DCP2: variants seen among roughly 807,000 people sequenced by gnomAD.
DCP2 encodes decapping mRNA 2.
A neutral mutation model predicts 56.1 loss-of-function variants in DCP2; 30 were observed. The observed-to-expected ratio is 0.53, with a 90% CI of 0.40 to 0.73. DCP2 has a LOEUF of 0.73. DCP2 is among the 30% of genes least tolerant of loss of function. DCP2 has a pLI of 0.00. For synonymous variants in DCP2, 197 were observed against 163.3 expected, an observed-to-expected ratio of 1.21 and a Z score of -1.57; for missense variants, 533 against 502.7, an observed-to-expected ratio of 1.06 and a Z score of -0.58.
At chr5:113,004,594 A>G (rs1401858197) in intron 8 of DCP2, among the ~76,000 whole-genome samples, 1 of 152,196 alleles carries the variant, frequency 6.6e-6, no homozygotes. Context: ...GAACATTCCT[A>G]TACCTGTCTT....
At chr5:113,009,657 T>TG (rs59973584) in intron 9 of DCP2, among the ~76,000 whole-genome samples, 13 of 151,950 alleles carry the variant, frequency 8.6e-5, no homozygotes, top group African/African-American at 2.7e-4. Flanking sequence ...TTGAAGAAGA[T>TG]ATTAAATACA....
At position 113,020,618 on chromosome 5, in the gene DCP2, T is replaced by G. The variant is rs1407190470; in HGVS notation, c.*7134T>G. 1 of 152,224 alleles carries G rather than the reference T, an allele frequency of 6.6e-6. No homozygotes were observed. Among genetic ancestry groups the G allele is most frequent in the Non-Finnish European group, 1.5e-5 (1 of 68,036 alleles). 9.4% of individuals were successfully genotyped at this position (152,224 alleles called of 1,614,324 possible). A position where few individuals can be genotyped will look rare whatever the true frequency, so the allele number is the denominator to read the frequency against. ...GAAAGGATAAAGACTACCTGTATTG[T>G]TGGGTATGACTATCAAAGGATTTCC... On this transcript the variant is annotated 3_prime_UTR_variant, in exon 11 of 11. Transcript: ENST00000389063.
intron 2 of DCP2, among the ~76,000 whole-genome samples, chr5:112,988,612 C>G (rs1378728581): frequency 6.6e-6 from 1 of 151,138 alleles, no homozygotes; most frequent in African/African-American, 2.4e-5. Context: ...AAAGAAAACA[C>G]TGATGGGAGA....
chr5:113,007,240 A>G (rs1749480742), intron 8 of DCP2, among the ~76,000 whole-genome samples: 2 of 152,152 alleles, frequency 1.3e-5, no homozygotes, highest in Admixed American at 6.5e-5. Flanking sequence ...GTAACAATTG[A>G]TTACTACATC....
At position 113,003,962 on chromosome 5, in the gene DCP2, G is replaced by C. The variant is rs1443204402; in HGVS notation, c.827G>C (p.Ser276Thr). Residue 276 changes from serine to threonine, a missense_variant, in exon 8 of 11, where the codon AGT (serine) becomes ACT (threonine). Physicochemically the swap from Ser to Thr is moderately conservative, Grantham distance 58. Coordinates refer to ENST00000389063, the MANE Select transcript of DCP2 (RefSeq NM_152624.6). ...TGTAGTCGAACCAAATTCCGCCACA[G>C]TCAGCAGTTATTTCCTGACGGTTCT... Reference protein sequence around the residue: ...EKLSRTKFRHSQQLFPDGSPG... With the variant: ...EKLSRTKFRHTQQLFPDGSPG... The C allele has an allele frequency of 6.2e-7, 1 of 1,613,976 alleles. No homozygotes were observed. The highest frequency in any genetic ancestry group is 8.5e-7 in the Non-Finnish European group (1 of 1,179,998).
intron 2 of DCP2, among the ~76,000 whole-genome samples, chr5:112,990,572 A>T (rs994889181): frequency 6.6e-6 from 1 of 152,124 alleles, no homozygotes; most frequent in African/African-American, 2.4e-5. Flanking sequence ...AAATGAAGGC[A>T]TGCACTAATT....
chr5:112,989,742 C>T (rs1162229243), intron 2 of DCP2, among the ~76,000 whole-genome samples: 2 of 152,062 alleles, frequency 1.3e-5, no homozygotes, highest in African/African-American at 4.8e-5. Flanking sequence ...CTTATTTCTC[C>T]GTATAGGGGT....
intron 9 of DCP2, among the ~76,000 whole-genome samples, chr5:113,009,247 G>C (rs1417901766): frequency 6.6e-6 from 1 of 152,170 alleles, no homozygotes; most frequent in Non-Finnish European, 1.5e-5. Flanking sequence ...TTTTTTGGGA[G>C]AACTTCACAA....
intron 2 of DCP2, among the ~76,000 whole-genome samples, chr5:112,991,136 G>A (rs1748566964): frequency 6.6e-6 from 1 of 152,106 alleles, no homozygotes; most frequent in Non-Finnish European, 1.5e-5. Context: ...CTGAAATCAA[G>A]TGGTAGTATT....
chr5:113,011,794 A>T (rs1281898972), intron 10 of DCP2, among the ~76,000 whole-genome samples: 1 of 152,204 alleles, frequency 6.6e-6, no homozygotes, highest in South Asian at 2.1e-4. Flanking sequence ...GAAGATGGGC[A>T]TCAGAGAGCT....
At chr5:112,986,104 C>T in intron 2 of DCP2, 118 bp downstream of exon 2, 1 of 1,022,722 alleles carries the variant, frequency 9.8e-7, no homozygotes, top group East Asian at 2.6e-5. Flanking sequence ...TACTTGATTG[C>T]TAAAATTTGT....
intron 2 of DCP2, among the ~76,000 whole-genome samples, chr5:112,987,620 C>CTTTTTTTTTT (rs562254738): frequency 0.022 from 1,501 of 69,776 alleles, 9 homozygotes; most frequent in Non-Finnish European, 0.028. Flanking sequence ...ACCTAGGTGC[C>CTTTTTTTTTT]TTTTTTTTTT....
intron 4 of DCP2, among the ~76,000 whole-genome samples, chr5:112,998,710 C>T (rs1748979258): frequency 6.6e-6 from 1 of 152,218 alleles, no homozygotes; most frequent in Admixed American, 6.5e-5. Flanking sequence ...TTTAATGTTA[C>T]ACCATAGTTG....
intron 4 of DCP2, among the ~76,000 whole-genome samples, chr5:112,995,825 A>G (rs934447770): frequency 2.6e-5 from 4 of 152,220 alleles, no homozygotes; most frequent in Non-Finnish European, 4.4e-5. Flanking sequence ...GGGCTACCAT[A>G]ACAAAATATC....
At chr5:113,003,802 C>T (rs1192148900) in intron 7 of DCP2, 140 bp from the exon 8 acceptor site, 1 of 930,100 alleles carries the variant, frequency 1.1e-6, no homozygotes, top group Non-Finnish European at 1.6e-6. Flanking sequence ...AAAATCTCTG[C>T]TCTCATAGAA....
chr5:112,985,744 T>C (rs1399917121), intron 1 of DCP2, 91 bp from the exon 2 acceptor site: 1 of 1,437,842 alleles, frequency 7.0e-7, no homozygotes, highest in Non-Finnish European at 9.5e-7. Flanking sequence ...CTTTTCTCAG[T>C]TGGTGGGTCA....
At chr5:113,002,444 G>A (rs1214768429) in intron 7 of DCP2, among the ~76,000 whole-genome samples, 5 of 151,374 alleles carry the variant, frequency 3.3e-5, no homozygotes, top group African/African-American at 1.2e-4. Context: ...AAAAAATTGT[G>A]TCAGAGATTG....
chr5:112,992,954 TA>T (rs1177937825), intron 4 of DCP2, among the ~76,000 whole-genome samples, 184 bp downstream of exon 4: 7 of 152,160 alleles, frequency 4.6e-5, no homozygotes, highest in African/African-American at 7.2e-5. Context: ...TCTTTTCATT[TA>T]TTCTTATCTG....
intron 1 of DCP2, among the ~76,000 whole-genome samples, chr5:112,980,276 A>G (rs552007851): frequency 3.3e-5 from 5 of 152,364 alleles, no homozygotes; most frequent in African/African-American, 9.6e-5. Context: ...AGAGTTGGGT[A>G]TAGTAAGGCC....
Sources: allele counts gnomAD v4.1 joint callset (sites outside exome capture counted in the v4.1 genomes callset), GRCh38; gene constraint gnomAD v4.1.1; transcripts MANE v1.5; gene names NCBI Gene and HGNC (gene_info 2026-07-23, HGNC 2026-07-21).